CMYA5: variants seen among roughly 807,000 people sequenced by gnomAD.
CMYA5 encodes the protein cardiomyopathy associated 5.
In CMYA5, 246 loss-of-function variants were observed where a neutral mutation model predicts 318.9. That is an observed-to-expected ratio of 0.77 (90% CI 0.70 to 0.86). The LOEUF is 0.86. Among genes scored for constraint, CMYA5 ranks in the 40% least tolerant of loss-of-function variants. The pLI, the probability that CMYA5 is intolerant of heterozygous loss-of-function variation, is 0.00. For missense variants in CMYA5, 4,589 were observed against 4,678.2 expected (o/e 0.98, Z 0.56); for synonymous variants, 1,641 against 1,729.5 (o/e 0.95, Z 1.27).
intron 1 of CMYA5, among the ~76,000 whole-genome samples, chr5:79,701,716 A>G (rs1827177381): frequency 6.6e-6 from 1 of 152,210 alleles, no homozygotes; most frequent in African/African-American, 2.4e-5. Flanking sequence ...ACTCCTAGGT[A>G]TGTACTCGAG....
chr5:79,789,308 G>A (rs1386018072), intron 10 of CMYA5, among the ~76,000 whole-genome samples: 1 of 152,194 alleles, frequency 6.6e-6, no homozygotes, highest in Non-Finnish European at 1.5e-5. Context: ...TTGGCTACCT[G>A]TTAGCAATCA....
Position 79,752,761 on chromosome 5 carries a change from G to C in CMYA5, c.11077G>C (p.Ala3693Pro). The change falls in exon 6 of 13, where the codon GCA (alanine) becomes CCA (proline). Residue 3693 changes from alanine to proline, a missense_variant. Physicochemically the swap from Ala to Pro is conservative, Grantham distance 27. This residue lies in a region of CMYA5 where 2,431 missense variants were observed against 2,495.1 expected (regional missense o/e 0.97). Coordinates refer to ENST00000446378, the MANE Select transcript of CMYA5 (RefSeq NM_153610.5). The part of the protein sequence containing the change: ...SLFEHYDDSS[A>P]RSDQMLKQVA... Reference sequence around the variant, plus strand: ...TTTCGAACATTATGATGACAGCTCGGCAAGAAGTGACCAGATGTTAAAACA... The same window carrying C: ...TTTCGAACATTATGATGACAGCTCGCCAAGAAGTGACCAGATGTTAAAACA... 1 of 1,613,548 alleles carries C rather than the reference G, an allele frequency of 6.2e-7. No individual in the cohort carries two copies. Among genetic ancestry groups the C allele is most frequent in the Non-Finnish European group, 8.5e-7 (1 of 1,179,624 alleles).
chr5:79,796,194 C>A (rs1260788094), intron 12 of CMYA5, among the ~76,000 whole-genome samples: 2 of 152,166 alleles, frequency 1.3e-5, no homozygotes. Flanking sequence ...GCATTCAGAA[C>A]CCTCCAGACC....
intron 11 of CMYA5, among the ~76,000 whole-genome samples, chr5:79,792,567 T>C (rs917790549): frequency 1.3e-5 from 2 of 152,180 alleles, no homozygotes; most frequent in African/African-American, 4.8e-5. Flanking sequence ...TGAAATGAGG[T>C]TGAGTAAAGA....
intron 12 of CMYA5, among the ~76,000 whole-genome samples, chr5:79,795,074 CAAATTCCTAGGCTCTAGAAGACA>C (rs1476151006): frequency 2.0e-5 from 3 of 152,190 alleles, no homozygotes; most frequent in African/African-American, 4.8e-5. Context: ...CCTCCAATAA[CAAATTCCTAGGCTCTAGAAGACA>C]AAATTATGTA....
chr5:79,719,555 G>A (rs578217941), intron 1 of CMYA5, among the ~76,000 whole-genome samples: 1 of 152,306 alleles, frequency 6.6e-6, no homozygotes, highest in South Asian at 2.1e-4. Context: ...AGAAAAATAT[G>A]TCCATTTAAC....
At chr5:79,788,788 A>C (rs923590851) in intron 9 of CMYA5, among the ~76,000 whole-genome samples, 183 bp from the exon 10 acceptor site, 1 of 152,156 alleles carries the variant, frequency 6.6e-6, no homozygotes, top group African/African-American at 2.4e-5. Context: ...TTATTTGATA[A>C]AGTAATCTTA....
chr5:79,747,404 A>G (rs953142700), intron 5 of CMYA5, among the ~76,000 whole-genome samples: 1 of 152,264 alleles, frequency 6.6e-6, no homozygotes, highest in Non-Finnish European at 1.5e-5. Context: ...CACTGCATAT[A>G]GAACATTTTG....
intron 1 of CMYA5, among the ~76,000 whole-genome samples, chr5:79,712,883 T>C (rs1827425987): frequency 6.6e-6 from 1 of 152,336 alleles, no homozygotes; most frequent in Non-Finnish European, 1.5e-5. Context: ...ACCTGACATA[T>C]TCTATTCAGA....
intron 1 of CMYA5, among the ~76,000 whole-genome samples, chr5:79,720,165 G>T (rs1050664246): frequency 6.6e-6 from 1 of 152,082 alleles, no homozygotes; most frequent in Non-Finnish European, 1.5e-5. Flanking sequence ...AATGCTGAGG[G>T]ACATTAATCT....
intron 1 of CMYA5, among the ~76,000 whole-genome samples, chr5:79,698,847 C>T (rs1241909632): frequency 6.6e-6 from 1 of 152,206 alleles, no homozygotes; most frequent in Non-Finnish European, 1.5e-5. Flanking sequence ...GCCTGCTACA[C>T]AGTAGGGGCC....
At chr5:79,699,210 TG>T (rs1484942187) in intron 1 of CMYA5, among the ~76,000 whole-genome samples, 1 of 152,024 alleles carries the variant, frequency 6.6e-6, no homozygotes, top group Non-Finnish European at 1.5e-5. Flanking sequence ...AAGAAATGGA[TG>T]TTGAATGAAT....
rs10052867 is a variant in CMYA5, at chr5:79,791,080, G to A, written c.11789+11G>A. The A allele has an allele frequency of 0.17, 274,365 of 1,601,400 alleles. 25,050 individuals are homozygous for A. Among genetic ancestry groups the A allele is most frequent in the African/African-American group, 0.27 (20,039 of 74,758 alleles). On this transcript the variant is annotated intron_variant, in intron 11 of 12. Transcript: ENST00000446378. Reference sequence around the variant, plus strand: ...GAGACGGCTGACGGAGTAAGTAGAAGAAGAAAGCACAAGTGGGCTGATGGC... The same window carrying A: ...GAGACGGCTGACGGAGTAAGTAGAAAAAGAAAGCACAAGTGGGCTGATGGC...
chr5:79,722,398 T>A (rs774673036), intron 1 of CMYA5, among the ~76,000 whole-genome samples: 14 of 152,158 alleles, frequency 9.2e-5, no homozygotes, highest in Non-Finnish European at 1.9e-4. Context: ...CTATCTTGGC[T>A]ATGTGCAGTG....
chr5:79,695,672 T>C (rs1198671970), intron 1 of CMYA5, among the ~76,000 whole-genome samples: 1 of 152,216 alleles, frequency 6.6e-6, no homozygotes, highest in Non-Finnish European at 1.5e-5. Context: ...ACAAAGAGGA[T>C]TGGATGACAC....
chr5:79,692,648 C>T (rs1290334617), intron 1 of CMYA5, among the ~76,000 whole-genome samples: 1 of 152,128 alleles, frequency 6.6e-6, no homozygotes, highest in Non-Finnish European at 1.5e-5. Flanking sequence ...ATAAGAATTC[C>T]TAATTCATAA....
chr5:79,777,143 A>G (rs1828953155), intron 9 of CMYA5, among the ~76,000 whole-genome samples: 1 of 152,218 alleles, frequency 6.6e-6, no homozygotes, highest in Non-Finnish European at 1.5e-5. Context: ...TGAACTTCTG[A>G]GCTGGTAATA....
chr5:79,689,964 C>T lies in CMYA5; in HGVS notation c.57C>T (p.Asp19=). The change falls in exon 1 of 13, where the codon GAC becomes GAT. Residue 19 remains aspartate, a synonymous_variant. Coordinates refer to ENST00000446378, the MANE Select transcript of CMYA5 (RefSeq NM_153610.5). The part of the protein sequence containing the change: ...AGESFLGSDG[D]EEATRELETE... ...AGAGCTTTCTCGGCTCCGACGGGGA[C>T]GAGGAGGCGACCCGGGAGCTGGAGA... The T allele has an allele frequency of 3.3e-6, 4 of 1,227,422 alleles. No individual in the cohort carries two copies. Among genetic ancestry groups the T allele is most frequent in the Non-Finnish European group, 3.5e-6 (3 of 859,354 alleles). 76.0% of individuals were successfully genotyped at this position (1,227,422 alleles called of 1,614,324 possible).
intron 1 of CMYA5, among the ~76,000 whole-genome samples, chr5:79,719,849 T>C (rs972361505): frequency 6.6e-6 from 1 of 152,112 alleles, no homozygotes; most frequent in Non-Finnish European, 1.5e-5. Context: ...TTTATAGGGA[T>C]GGCGGATATG....
Sources: allele counts gnomAD v4.1 joint callset (sites outside exome capture counted in the v4.1 genomes callset), GRCh38; gene constraint gnomAD v4.1.1; regional missense constraint gnomAD v4.1.1; transcripts MANE v1.5; gene names NCBI Gene and HGNC (gene_info 2026-07-23, HGNC 2026-07-21).